The following NEGR1 variants were observed in gnomAD, a reference collection of about 807,000 sequenced individuals.
NEGR1 encodes the protein IgLON family member 4.
Under a neutral mutation model 40.9 loss-of-function variants are expected in NEGR1, and 10 were observed. That is an observed-to-expected ratio of 0.24 (90% CI 0.15 to 0.42). The LOEUF (loss-of-function observed/expected upper bound fraction) is 0.42, where lower values mean the gene tolerates loss of function less well. Ranked by LOEUF, NEGR1 falls within the 10% of genes least tolerant of loss-of-function variation. The pLI is 1.00. For missense variants in NEGR1, 352 were observed against 438.9 expected, an observed-to-expected ratio of 0.80 and a Z score of 1.77; for synonymous variants, 185 against 166.8, an observed-to-expected ratio of 1.11 and a Z score of -0.84.
chr1:71,510,837 G>T (rs1165918542), intron 6 of NEGR1, among the ~76,000 whole-genome samples: 1 of 152,156 alleles, frequency 6.6e-6, no homozygotes, highest in Non-Finnish European at 1.5e-5. Context: ...CCATTCTTTG[G>T]GTTTGGGTGG....
chr1:72,247,411 G>A (rs1260815199), intron 1 of NEGR1, among the ~76,000 whole-genome samples: 2 of 152,212 alleles, frequency 1.3e-5, no homozygotes, highest in African/African-American at 4.8e-5. Context: ...GTTGTTGGAA[G>A]CAGCCAAGTC....
chr1:71,778,848 T>G (rs907564041), intron 2 of NEGR1, among the ~76,000 whole-genome samples: 4 of 152,222 alleles, frequency 2.6e-5, no homozygotes, highest in Non-Finnish European at 4.4e-5. Flanking sequence ...TTTAAAGTGC[T>G]AAACATTATG....
At chr1:71,607,058 G>C (rs1357591231) in intron 5 of NEGR1, among the ~76,000 whole-genome samples, 1 of 152,116 alleles carries the variant, frequency 6.6e-6, no homozygotes, top group African/African-American at 2.4e-5. Context: ...AGTTATTTCT[G>C]ATTATTTATG....
intron 6 of NEGR1, among the ~76,000 whole-genome samples, chr1:71,471,780 C>A (rs1646783912): frequency 6.6e-6 from 1 of 152,090 alleles, no homozygotes; most frequent in African/African-American, 2.4e-5. Context: ...CCCAGAAAAG[C>A]CACAGACTCA....
chr1:71,524,018 T>G (rs898856789), intron 6 of NEGR1, among the ~76,000 whole-genome samples: 4 of 151,884 alleles, frequency 2.6e-5, no homozygotes, highest in Admixed American at 2.0e-4. Flanking sequence ...TCTGTTTGCT[T>G]TTGCTATTTC....
intron 1 of NEGR1, among the ~76,000 whole-genome samples, chr1:72,094,138 G>T (rs747357733): frequency 3.9e-5 from 6 of 152,162 alleles, no homozygotes; most frequent in Non-Finnish European, 5.9e-5. Flanking sequence ...GCGCTCTGAT[G>T]CTTTCCTGAT....
In NEGR1 at chr1:72,282,305, GC is replaced by G. The variant is rs1038984747; in HGVS notation, c.176+13del. ...AGACCGAAACAAGTACGAAAAGCAC[GC>G]CGTTCTTCCTACCTAAGCACCGCCG... On this transcript the variant is annotated intron_variant, in intron 1 of 6. Transcript: ENST00000357731. 16 of 1,612,712 alleles carry G rather than the reference GC, an allele frequency of 9.9e-6. No individual in the cohort carries two copies. In the African/African-American group the frequency reaches 2.1e-4, roughly 22 times the overall value.
At chr1:72,181,491 A>G (rs573032585) in intron 1 of NEGR1, among the ~76,000 whole-genome samples, 1 of 152,230 alleles carries the variant, frequency 6.6e-6, no homozygotes, top group African/African-American at 2.4e-5. Context: ...CATTATGAAA[A>G]ACACTATGGA....
intron 2 of NEGR1, among the ~76,000 whole-genome samples, chr1:71,835,445 A>G (rs1340727977): frequency 1.3e-5 from 2 of 152,136 alleles, no homozygotes; most frequent in African/African-American, 2.4e-5. Flanking sequence ...AGGGCAATAA[A>G]TCAGATTTTT....
chr1:71,618,496 C>G (rs891984535), intron 4 of NEGR1, among the ~76,000 whole-genome samples: 1 of 152,140 alleles, frequency 6.6e-6, no homozygotes, highest in African/African-American at 2.4e-5. Flanking sequence ...TCACAGCCAC[C>G]AAAATGAGAT....
intron 3 of NEGR1, among the ~76,000 whole-genome samples, chr1:71,746,226 G>A (rs1655377988): frequency 6.6e-6 from 1 of 152,190 alleles, no homozygotes; most frequent in Admixed American, 6.5e-5. Context: ...GAGGAGGAAA[G>A]AAAACACTCT....
In NEGR1 at chr1:72,112,996, G is replaced by T. The variant is rs1024701206; in HGVS notation, c.176+169323C>A. On this transcript the variant is annotated intron_variant, in intron 1 of 6. Coordinates refer to ENST00000357731, the MANE Select transcript of NEGR1 (RefSeq NM_173808.3). ...TTTTTTTACTACTTCTTTTTGGCAA[G>T]AAGTCTCCGACTTCCACAATTTAGT... Among the ~76,000 whole-genome samples, 5 of 151,542 alleles carry T rather than the reference G, an allele frequency of 3.3e-5. No individual in the cohort carries two copies. In the South Asian group the frequency reaches 8.3e-4, roughly 25 times the overall value.
intron 1 of NEGR1, among the ~76,000 whole-genome samples, chr1:72,077,657 T>A (rs1647806380): frequency 6.6e-6 from 1 of 150,982 alleles, no homozygotes; most frequent in African/African-American, 2.4e-5. Flanking sequence ...AATAAATAAA[T>A]AAATAAATAG....
At chr1:72,186,226 T>A (rs1652607558) in intron 1 of NEGR1, among the ~76,000 whole-genome samples, 3 of 151,770 alleles carry the variant, frequency 2.0e-5, no homozygotes, top group Non-Finnish European at 1.5e-5. Context: ...CAGCTGAAAT[T>A]TAACATGCCA....
chr1:72,272,630 G>A (rs1655882197), intron 1 of NEGR1, among the ~76,000 whole-genome samples: 1 of 151,826 alleles, frequency 6.6e-6, no homozygotes, highest in African/African-American at 2.4e-5. Context: ...GGTTTCTGAA[G>A]ACAATGGAAC....
intron 3 of NEGR1, among the ~76,000 whole-genome samples, chr1:71,750,673 C>T (rs1570295713): frequency 6.6e-6 from 1 of 152,076 alleles, no homozygotes; most frequent in Admixed American, 6.5e-5. Flanking sequence ...CAATTACCTC[C>T]CACTGGGTCC....
At chr1:71,640,151 T>C (rs185945871) in intron 4 of NEGR1, among the ~76,000 whole-genome samples, 2 of 152,216 alleles carry the variant, frequency 1.3e-5, no homozygotes, top group Admixed American at 1.3e-4. Context: ...GTTTCCGGTA[T>C]GGGTTATCCT....
intron 1 of NEGR1, among the ~76,000 whole-genome samples, chr1:71,943,506 A>G (rs1270219361): frequency 6.6e-6 from 1 of 152,016 alleles, no homozygotes; most frequent in Non-Finnish European, 1.5e-5. Flanking sequence ...CTTTCCATTA[A>G]TAAGAAGCTT....
intron 6 of NEGR1, among the ~76,000 whole-genome samples, chr1:71,469,536 G>A (rs546378944): frequency 1.3e-5 from 2 of 151,948 alleles, no homozygotes; most frequent in African/African-American, 4.8e-5. Flanking sequence ...AAAGCAATAA[G>A]CTGAATTAGG....
Sources: allele counts gnomAD v4.1 joint callset (sites outside exome capture counted in the v4.1 genomes callset), GRCh38; gene constraint gnomAD v4.1.1; transcripts MANE v1.5; gene names NCBI Gene and HGNC (gene_info 2026-07-23, HGNC 2026-07-21).